Variants in TMEM51 observed in about 807,000 individuals in gnomAD.
TMEM51 encodes the protein transmembrane protein 51.
Under a neutral mutation model 13.6 loss-of-function variants are expected in TMEM51, and 8 were observed. The observed-to-expected ratio is 0.59, with a 90% CI of 0.35 to 1.07. TMEM51 has a LOEUF of 1.07. Ranked by LOEUF, TMEM51 falls within the 50% of genes least tolerant of loss-of-function variation. The pLI is 0.02. For synonymous variants in TMEM51, 147 were observed against 144.4 expected (o/e 1.02, Z -0.13); for missense variants, 279 against 330.7 (o/e 0.84, Z 1.21).
intron 1 of TMEM51, chr1:15,168,626 C>T (rs1275002919): frequency 7.7e-7 from 1 of 1,304,334 alleles, no homozygotes; most frequent in Non-Finnish European, 1.0e-6. Context: ...AGTTCTTCAA[C>T]CTTGCCTGTG....
chr1:15,152,746 C>T (rs1642437653), upstream of TMEM51: 2 of 145,428 alleles, frequency 1.4e-5, no homozygotes, highest in Non-Finnish European at 3.1e-5. Flanking sequence ...CAACGCAGTT[C>T]CGAGGGCAGA....
chr1:15,193,711 C>T (rs1643987446), intron 1 of TMEM51, among the ~76,000 whole-genome samples: 1 of 151,958 alleles, frequency 6.6e-6, no homozygotes, highest in East Asian at 1.9e-4. Context: ...TGCCACCACG[C>T]CCAGCTAATT....
intron 1 of TMEM51, among the ~76,000 whole-genome samples, chr1:15,175,495 T>G: frequency 6.6e-6 from 1 of 152,206 alleles, no homozygotes. Context: ...TCCTCCAAGG[T>G]GATTTCTGCC....
At chr1:15,163,151 G>A (rs142291013) in intron 1 of TMEM51, among the ~76,000 whole-genome samples, 10 of 152,060 alleles carry the variant, frequency 6.6e-5, no homozygotes, top group Admixed American at 1.3e-4. Flanking sequence ...GGGGGGAAAC[G>A]GTGCCTAAGA....
chr1:15,215,266 G>A lies in TMEM51; in HGVS notation c.179G>A (p.Ser60Asn), dbSNP rs1323340442. The part of the protein sequence containing the change: ...KTEVGGGILK[S>N]KTFSVAYVLV... ...GAGGTGGGTGGCGGCATCCTCAAGA[G>A]CAAGACCTTCTCTGTGGCCTACGTG... The change falls in exon 3 of 4, where the codon AGC (serine) becomes AAC (asparagine). Residue 60 changes from serine to asparagine, a missense_variant. Physicochemically the swap from Ser to Asn is conservative, Grantham distance 46. Coordinates refer to ENST00000376008, the MANE Select transcript of TMEM51 (RefSeq NM_001136218.2). 2 of 1,614,230 alleles carry A rather than the reference G, an allele frequency of 1.2e-6. No homozygotes were observed. Among genetic ancestry groups the A allele is most frequent in the East Asian group, 2.2e-5 (1 of 44,888 alleles).
At chr1:15,186,715 A>G (rs1008688175) in intron 1 of TMEM51, among the ~76,000 whole-genome samples, 14 of 152,176 alleles carry the variant, frequency 9.2e-5, no homozygotes. Context: ...TTATCCTGCT[A>G]GGCCATAGGG....
intron 1 of TMEM51, chr1:15,192,354 C>A: frequency 2.6e-6 from 1 of 387,516 alleles, no homozygotes; most frequent in East Asian, 7.0e-5. Flanking sequence ...CCAACCCTCT[C>A]CAGAACCTGC....
intron 1 of TMEM51, chr1:15,168,630 G>A: frequency 7.7e-7 from 1 of 1,304,432 alleles, no homozygotes; most frequent in Non-Finnish European, 1.0e-6. Flanking sequence ...CTTCAACCTT[G>A]CCTGTGTGTT....
At chr1:15,185,478 T>TCATGG (rs1382230923) in intron 1 of TMEM51, among the ~76,000 whole-genome samples, 1 of 152,228 alleles carries the variant, frequency 6.6e-6, no homozygotes, top group East Asian at 1.9e-4. Context: ...GCCCAATACT[T>TCATGG]CTTGGAAGTG....
At chr1:15,195,444 C>T (rs1248191882) in intron 1 of TMEM51, among the ~76,000 whole-genome samples, 1 of 152,050 alleles carries the variant, frequency 6.6e-6, no homozygotes, top group East Asian at 1.9e-4. Flanking sequence ...AATAGCACAT[C>T]CCAATGCAGA....
intron 1 of TMEM51, among the ~76,000 whole-genome samples, chr1:15,197,622 T>A (rs1424055286): frequency 1.3e-5 from 2 of 151,754 alleles, no homozygotes; most frequent in East Asian, 3.9e-4. Context: ...TCCTGCTAAG[T>A]GTGTGTTGTG....
At chr1:15,159,510 A>G (rs2100809764) in intron 1 of TMEM51, among the ~76,000 whole-genome samples, 1 of 152,328 alleles carries the variant, frequency 6.6e-6, no homozygotes, top group South Asian at 2.1e-4. Context: ...TCAATGCCAC[A>G]TTTCAAACAA....
At chr1:15,195,227 C>T (rs1042738054) in intron 1 of TMEM51, among the ~76,000 whole-genome samples, 15 of 152,048 alleles carry the variant, frequency 9.9e-5, no homozygotes, top group South Asian at 4.1e-4. Flanking sequence ...GCCACTGCAC[C>T]GGCCTGCCCC....
chr1:15,204,931 T>C (rs1644223112), intron 1 of TMEM51, among the ~76,000 whole-genome samples: 1 of 152,108 alleles, frequency 6.6e-6, no homozygotes, highest in Non-Finnish European at 1.5e-5. Flanking sequence ...GAGACACCGA[T>C]GGCCAGAACC....
chr1:15,165,941 A>G (rs1642981233), intron 1 of TMEM51, among the ~76,000 whole-genome samples: 1 of 152,224 alleles, frequency 6.6e-6, no homozygotes, highest in Non-Finnish European at 1.5e-5. Context: ...ATCTCAAAAA[A>G]AAAGTTAGGG....
At chr1:15,206,130 G>A (rs1644243782) in intron 1 of TMEM51, among the ~76,000 whole-genome samples, 1 of 151,714 alleles carries the variant, frequency 6.6e-6, no homozygotes, top group Non-Finnish European at 1.5e-5. Flanking sequence ...CCAGCTCCTC[G>A]GGGGCCGAGG....
intron 1 of TMEM51, among the ~76,000 whole-genome samples, chr1:15,209,131 G>A (rs766437831): frequency 2.6e-5 from 4 of 151,836 alleles, no homozygotes; most frequent in African/African-American, 7.3e-5. Context: ...GTGCAGTGGC[G>A]TGCTCAAGGC....
At chr1:15,193,642 G>A (rs1892200) in intron 1 of TMEM51, among the ~76,000 whole-genome samples, 132,305 of 148,814 alleles carry the variant, frequency 0.89, 58,831 homozygotes, top group East Asian at 0.96. Flanking sequence ...CAGTGGCACG[G>A]TCTCGGCTCA....
At chr1:15,155,531 A>T (rs1179707586) in intron 1 of TMEM51, among the ~76,000 whole-genome samples, 1 of 152,240 alleles carries the variant, frequency 6.6e-6, no homozygotes, top group Non-Finnish European at 1.5e-5. Context: ...GAAATAACTC[A>T]GGAGGTCCTG....
Sources: gnomAD v4.1 joint callset for allele counts (sites outside exome capture counted in the v4.1 genomes callset) on GRCh38, gnomAD v4.1.1 for gene constraint, MANE v1.5 for transcripts, NCBI Gene and HGNC (gene_info 2026-07-23, HGNC 2026-07-21) for gene names.